Variants in TOX observed in about 807,000 individuals in gnomAD.
TOX encodes thymocyte selection associated high mobility group box.
TOX carries 11 observed loss-of-function variants against 53.7 expected under a neutral mutation model. The ratio of observed to expected loss-of-function variants is 0.20; its 90% CI spans 0.13 to 0.34. The LOEUF (loss-of-function observed/expected upper bound fraction) is 0.34, where lower values mean the gene tolerates loss of function less well. Among genes scored for constraint, TOX ranks in the 10% least tolerant of loss-of-function variants. The probability of loss-of-function intolerance (pLI) is 1.00; values close to 1 mark genes in which losing one functional copy is unlikely to be tolerated. For missense variants in TOX, 570 were observed against 664.6 expected (o/e 0.86, Z 1.56); for synonymous variants, 225 against 245.3 (o/e 0.92, Z 0.77).
chr8:58,911,749 G>A (rs1407133238), intron 3 of TOX, among the ~76,000 whole-genome samples: 1 of 152,014 alleles, frequency 6.6e-6, no homozygotes, highest in East Asian at 1.9e-4. Context: ...TGTTGCCCAG[G>A]CTGGAGTGCA....
chr8:58,816,021 G>T (rs1810170529), intron 6 of TOX, among the ~76,000 whole-genome samples: 1 of 152,214 alleles, frequency 6.6e-6, no homozygotes, highest in Admixed American at 6.5e-5. Context: ...ATGGGTTTGT[G>T]GAGGGTGGGG....
intron 2 of TOX, among the ~76,000 whole-genome samples, chr8:58,957,293 G>A (rs1812725645): frequency 6.6e-6 from 1 of 152,184 alleles, no homozygotes; most frequent in Admixed American, 6.5e-5. Flanking sequence ...GCTAGTATAG[G>A]AGAAAACAGT....
At chr8:58,920,980 T>A (rs1390973325) in intron 3 of TOX, among the ~76,000 whole-genome samples, 3 of 152,212 alleles carry the variant, frequency 2.0e-5, no homozygotes, top group Non-Finnish European at 4.4e-5. Context: ...CATCTATGAC[T>A]CATGGATAGG....
rs1033441190 is a variant in TOX at position 58,808,125 on chromosome 8, T to A, written c.1537A>T (p.Ser513Cys). The A allele has an allele frequency of 2.5e-6, 4 of 1,612,968 alleles. No homozygotes were observed. The highest frequency in any genetic ancestry group is 2.5e-6 in the Non-Finnish European group (3 of 1,179,442). ...CGATGACCGGCCGCTTACCCACTAC[T>A]GCAGTAGTCGTTATTCCAGTCCACC... is the stretch of plus-strand genomic sequence containing the variant. ...QPVDWNNDYC[S>C]SGGMQRDKAL... Residue 513 changes from serine (S) to cysteine (C), a missense_variant, in exon 8 of 9, where the codon AGT becomes TGT. Ser to Cys is a moderately radical substitution (Grantham distance 112). Transcript: ENST00000361421.
intron 1 of TOX, among the ~76,000 whole-genome samples, chr8:59,001,562 C>G (rs543627091): frequency 5.4e-4 from 82 of 152,266 alleles, no homozygotes; most frequent in Admixed American, 2.6e-4. Context: ...TGTAAGCACA[C>G]AGGGATGCTC....
At chr8:58,888,824 T>A (rs1811514239) in intron 3 of TOX, among the ~76,000 whole-genome samples, 1 of 152,038 alleles carries the variant, frequency 6.6e-6, no homozygotes, top group Non-Finnish European at 1.5e-5. Flanking sequence ...GATTACTCAA[T>A]GCATGTCATT....
chr8:58,948,285 C>A lies in TOX; in HGVS notation c.169-8741G>T, dbSNP rs368626700. Among the ~76,000 whole-genome samples, 13 of 152,100 alleles carry A rather than the reference C, an allele frequency of 8.5e-5. No homozygotes were observed. In the East Asian group the frequency reaches 1.2e-3, roughly 14 times the overall value. ...CCCTAATACTATCTGCCTCTCTCTC[C>A]ACATACTTCCAGGAAAGTCCTTAGT... is the stretch of plus-strand genomic sequence containing the variant. On this transcript the variant is annotated intron_variant, in intron 2 of 8. Transcript: ENST00000361421.
intron 1 of TOX, among the ~76,000 whole-genome samples, chr8:59,035,277 A>G (rs1318494989): frequency 6.6e-6 from 1 of 152,176 alleles, no homozygotes; most frequent in Non-Finnish European, 1.5e-5. Context: ...AGCAACATAA[A>G]TGTGTGTAGA....
Position 58,854,274 on chromosome 8 carries a change from C to A in TOX, c.412-2469G>T, listed in dbSNP as rs550354547. Among the ~76,000 whole-genome samples, 8 of 152,268 alleles carry A rather than the reference C, an allele frequency of 5.3e-5. No individual in the cohort carries two copies. In the South Asian group the frequency reaches 1.7e-3, roughly 32 times the overall value. On this transcript the variant is annotated intron_variant, in intron 3 of 8. Coordinates refer to ENST00000361421, the MANE Select transcript of TOX (RefSeq NM_014729.3). ...AGTCTGTAACATGTCTGTATTGAGC[C>A]CATTTCTTCTCATCCTTTCAGAAAT... is the stretch of plus-strand genomic sequence containing the variant.
chr8:58,897,703 C>CTTTTTTTT (rs10649827), intron 3 of TOX, among the ~76,000 whole-genome samples: 2 of 148,492 alleles, frequency 1.3e-5, no homozygotes, highest in South Asian at 4.2e-4. Context: ...AAATGGAAGT[C>CTTTTTTTT]TTTTTTTTTT....
chr8:58,807,933 G>A, intron 8 of TOX, 150 bp from the exon 9 acceptor site: 1 of 1,264,702 alleles, frequency 7.9e-7, no homozygotes, highest in Non-Finnish European at 1.1e-6. Flanking sequence ...GAAGTGAGAA[G>A]TGAGCTAAAG....
At chr8:58,963,312 T>TATAG (rs1554533758) in intron 1 of TOX, among the ~76,000 whole-genome samples, 8 of 103,230 alleles carry the variant, frequency 7.7e-5, no homozygotes, top group African/African-American at 2.8e-4. Context: ...GATAGATATA[T>TATAG]ATATAGATAG....
At chr8:58,899,499 G>A (rs778069828) in intron 3 of TOX, among the ~76,000 whole-genome samples, 44 of 152,164 alleles carry the variant, frequency 2.9e-4, no homozygotes, top group Non-Finnish European at 4.7e-4. Flanking sequence ...ACCTTGAAAT[G>A]AGAAAGCTGG....
intron 1 of TOX, among the ~76,000 whole-genome samples, chr8:59,052,026 T>A (rs779824347): frequency 2.6e-5 from 4 of 152,170 alleles, no homozygotes; most frequent in Non-Finnish European, 4.4e-5. Flanking sequence ...TTATATATGA[T>A]GAGAAATAAA....
At chr8:58,892,549 GC>G (rs1191554287) in intron 3 of TOX, among the ~76,000 whole-genome samples, 1 of 152,138 alleles carries the variant, frequency 6.6e-6, no homozygotes, top group Non-Finnish European at 1.5e-5. Context: ...AATGCATGTG[GC>G]TTTGGGCTCC....
chr8:59,105,109 T>G (rs1171271087), intron 1 of TOX, among the ~76,000 whole-genome samples: 2 of 152,196 alleles, frequency 1.3e-5, no homozygotes, highest in African/African-American at 2.4e-5. Context: ...ACAAGCGCAT[T>G]CCAAATTTTT....
chr8:58,920,746 G>GAAAAAAAAA (rs1164471853), intron 3 of TOX, among the ~76,000 whole-genome samples: 1 of 43,218 alleles, frequency 2.3e-5, no homozygotes, highest in African/African-American at 6.7e-5. Flanking sequence ...AGAAAAAAAA[G>GAAAAAAAAA]AAGAAAAAAA....
intron 1 of TOX, among the ~76,000 whole-genome samples, chr8:59,103,295 G>A (rs1034554147): frequency 6.6e-6 from 1 of 152,172 alleles, no homozygotes. Context: ...CTGTGGTAAA[G>A]ATGACCTAAT....
At chr8:58,826,785 C>G in intron 6 of TOX, 37 bp downstream of exon 6, 2 of 1,566,708 alleles carry the variant, frequency 1.3e-6, no homozygotes, top group Non-Finnish European at 1.7e-6. Context: ...GCCGAGATGG[C>G]CACAATCCTT....
Sources: gnomAD v4.1 joint callset for allele counts (sites outside exome capture counted in the v4.1 genomes callset) on GRCh38, gnomAD v4.1.1 for gene constraint, MANE v1.5 for transcripts, NCBI Gene and HGNC (gene_info 2026-07-23, HGNC 2026-07-21) for gene names.